ANKS1A: variants seen among roughly 807,000 people sequenced by gnomAD.
The protein encoded by ANKS1A is ankyrin repeat and SAM domain-containing protein 1A.
A neutral mutation model predicts 120.3 loss-of-function variants in ANKS1A; 55 were observed. The observed-to-expected ratio is 0.46, with a 90% confidence interval of 0.37 to 0.57. ANKS1A has a LOEUF of 0.57. Ranked by LOEUF, ANKS1A falls within the 20% of genes least tolerant of loss-of-function variation. ANKS1A has a pLI of 0.00. For missense variants in ANKS1A, 1,123 were observed against 1,480.3 expected (o/e 0.76, Z 3.96); for synonymous variants, 590 against 604.7 (o/e 0.98, Z 0.36).
At chr6:35,062,557 C>T (rs900449979) in intron 13 of ANKS1A, among the ~76,000 whole-genome samples, 8 of 152,150 alleles carry the variant, frequency 5.3e-5, no homozygotes, top group African/African-American at 1.4e-4. Context: ...AAGTAGCTTC[C>T]AGGAAGCCAG....
At chr6:34,906,639 A>G (rs1208547533) in intron 1 of ANKS1A, among the ~76,000 whole-genome samples, 1 of 152,272 alleles carries the variant, frequency 6.6e-6, no homozygotes, top group Non-Finnish European at 1.5e-5. Context: ...AATCACCATT[A>G]GCATACCATA....
intron 23 of ANKS1A, 101 bp from the exon 24 acceptor site, chr6:35,088,505 G>A (rs1051416824): frequency 4.0e-6 from 6 of 1,494,034 alleles, no homozygotes; most frequent in Middle Eastern, 3.4e-4. Flanking sequence ...GAGGCTGTGA[G>A]GGATCGTCTG....
chr6:34,986,040 G>C (rs1772184221), intron 8 of ANKS1A, among the ~76,000 whole-genome samples: 1 of 152,166 alleles, frequency 6.6e-6, no homozygotes, highest in Non-Finnish European at 1.5e-5. Flanking sequence ...CCTAGCCTAG[G>C]TTAAATGTGC....
Position 35,017,791 on chromosome 6 carries a change from C to T in ANKS1A, c.1742C>T (p.Pro581Leu). ...CCCACCACCAACAGCCGCTCGCACC[C>T]TGAAACTTTGACTCACACAGCATCT... ...GLPTTNSRSH[P>L]ETLTHTASPH... The change falls in exon 11 of 24, where the codon CCT becomes CTT. Residue 581 changes from proline to leucine, a missense_variant. Physicochemically the swap from Pro to Leu is moderately conservative, Grantham distance 98 (BLOSUM62 -3). Around this residue, in one of 3 missense-constraint regions of ANKS1A, gnomAD observed 904 missense variants for 1,130.4 expected, o/e 0.80. Coordinates refer to ENST00000360359, the MANE Select transcript of ANKS1A (RefSeq NM_015245.3). 6.2e-7 allele frequency: 1 copy of T among 1,614,216 alleles called. No homozygotes were observed. Among genetic ancestry groups the T allele is most frequent in the South Asian group, 1.1e-5 (1 of 91,086 alleles).
At chr6:35,075,975 G>A (rs535892067) in intron 13 of ANKS1A, among the ~76,000 whole-genome samples, 8 of 152,092 alleles carry the variant, frequency 5.3e-5, no homozygotes, top group Admixed American at 4.6e-4. Context: ...GCCCAAGCTG[G>A]CCTCAAACTC....
chr6:35,061,302 G>C (rs1051314528), intron 13 of ANKS1A, among the ~76,000 whole-genome samples: 1 of 152,216 alleles, frequency 6.6e-6, no homozygotes, highest in East Asian at 1.9e-4. Flanking sequence ...TACAGGGATG[G>C]GGGCGTGGCC....
chr6:34,976,378 G>C (rs942030037), intron 3 of ANKS1A, among the ~76,000 whole-genome samples: 4 of 151,878 alleles, frequency 2.6e-5, no homozygotes, highest in Non-Finnish European at 5.9e-5. Context: ...TCAACAAGTC[G>C]GTGTAAACCA....
At chr6:34,928,226 C>A (rs1358704829) in intron 1 of ANKS1A, among the ~76,000 whole-genome samples, 1 of 152,194 alleles carries the variant, frequency 6.6e-6, no homozygotes, top group Non-Finnish European at 1.5e-5. Flanking sequence ...CCACAGACTT[C>A]TGCTATTTCC....
In ANKS1A at chr6:35,085,964, C is replaced by T; in HGVS notation, c.3303+28C>T. The T allele has an allele frequency of 6.4e-7, 1 of 1,569,776 alleles. No individual in the cohort carries two copies. Among genetic ancestry groups the T allele is most frequent in the Non-Finnish European group, 8.6e-7 (1 of 1,161,036 alleles). On this transcript the variant is annotated intron_variant, in intron 22 of 23. Transcript: ENST00000360359. This position sits in a 1 kb window ranked among gnomAD's most constrained non-coding sequence, Gnocchi z 4.7. ...ACGTGGGCCCCACTGGCCAAGATCC[C>T]CCTCTCCCTGGCCCCAGGGATTCAA...
intron 1 of ANKS1A, among the ~76,000 whole-genome samples, chr6:34,932,114 G>A (rs1428043868): frequency 6.6e-6 from 1 of 152,208 alleles, no homozygotes. Flanking sequence ...CCTGACTTCA[G>A]TTCGAGCCTC....
At chr6:34,961,003 C>T (rs1770611144) in intron 1 of ANKS1A, among the ~76,000 whole-genome samples, 2 of 152,228 alleles carry the variant, frequency 1.3e-5, no homozygotes, top group African/African-American at 4.8e-5. Context: ...AGCTTCATCA[C>T]GCAGGCTTGC....
rs1220860098 is a variant in ANKS1A at position 35,086,416 on chromosome 6, C to T, written c.3303+480C>T. On this transcript the variant is annotated intron_variant, in intron 22 of 23. Transcript: ENST00000360359. This position sits in a 1 kb window ranked among gnomAD's most constrained non-coding sequence, Gnocchi z 5.1. Reference sequence around the variant, plus strand: ...TGTGTGTCAGTCTCCCCGAAGTGACCGTGAGCGCTCTTAGCCTCTGGCGGC... The same window carrying T: ...TGTGTGTCAGTCTCCCCGAAGTGACTGTGAGCGCTCTTAGCCTCTGGCGGC... The T allele has an allele frequency of 1.4e-5, 17 of 1,247,076 alleles. No individual in the cohort carries two copies. The highest frequency in any genetic ancestry group is 8.7e-5 in the South Asian group (7 of 80,072). 77.3% of individuals were successfully genotyped at this position (1,247,076 alleles called of 1,614,324 possible). A position where few individuals can be genotyped will look rare whatever the true frequency, so the allele number is the denominator to read the frequency against.
chr6:35,091,104 A>G lies in ANKS1A; in HGVS notation c.*2495A>G. Reference sequence around the variant, plus strand: ...AAGCAGCTCAGAAGTATTGTTGCTCATGGTGTGGCAATGGACTGAACTGTA... The same window carrying G: ...AAGCAGCTCAGAAGTATTGTTGCTCGTGGTGTGGCAATGGACTGAACTGTA... On this transcript the variant is annotated 3_prime_UTR_variant, in exon 24 of 24. Coordinates refer to ENST00000360359, the MANE Select transcript of ANKS1A (RefSeq NM_015245.3). The G allele has an allele frequency of 1.0e-6, 1 of 985,908 alleles. No homozygotes were observed. 61.1% of individuals were successfully genotyped at this position (985,908 alleles called of 1,614,324 possible). A position where few individuals can be genotyped will look rare whatever the true frequency, so the allele number is the denominator to read the frequency against.
chr6:35,042,229 G>A lies in ANKS1A; in HGVS notation c.2011-11870G>A, dbSNP rs1775496880. ...TGAGGTCAGCATGGGGCTGATGTAA[G>A]AGGATATCGACACAGGAACTTAGCA... is the stretch of plus-strand genomic sequence containing the variant. On this transcript the variant is annotated intron_variant, in intron 11 of 23. Transcript: ENST00000360359. 2.6e-5 allele frequency among the ~76,000 whole-genome samples: 4 copies of A among 152,296 alleles called. No individual in the cohort carries two copies. The South Asian group carries it at 8.3e-4, about 32-fold the overall frequency.
At chr6:35,095,649 T>TTAAA (rs774154219), downstream of ANKS1A, among the ~76,000 whole-genome samples, 6 of 128,630 alleles carry the variant, frequency 4.7e-5, no homozygotes, top group African/African-American at 1.8e-4. Flanking sequence ...ACTTTTGTGT[T>TTAAA]AAAAAAAAAA....
At chr6:35,037,194 A>T (rs1320117645) in intron 11 of ANKS1A, among the ~76,000 whole-genome samples, 1 of 152,218 alleles carries the variant, frequency 6.6e-6, no homozygotes, top group Non-Finnish European at 1.5e-5. Flanking sequence ...TATAATGAAT[A>T]TTACCTAGGC....
At chr6:34,945,681 A>G (rs1420775778) in intron 1 of ANKS1A, among the ~76,000 whole-genome samples, 1 of 152,166 alleles carries the variant, frequency 6.6e-6, no homozygotes, top group Non-Finnish European at 1.5e-5. Context: ...GTTTATTTTT[A>G]CAAAGTGAAA....
intron 16 of ANKS1A, among the ~76,000 whole-genome samples, chr6:35,080,485 A>T (rs1264148874): frequency 6.6e-6 from 1 of 152,212 alleles, no homozygotes; most frequent in Non-Finnish European, 1.5e-5. Flanking sequence ...CCTCGGGTGC[A>T]CTGGGCCTGC....
intron 8 of ANKS1A, among the ~76,000 whole-genome samples, chr6:34,986,773 C>T (rs760356453): frequency 6.6e-5 from 10 of 152,276 alleles, no homozygotes; most frequent in Non-Finnish European, 1.3e-4. Flanking sequence ...TGTGACAAAA[C>T]TCCTTGTGAG....
Sources: gnomAD v4.1 joint callset for allele counts (sites outside exome capture counted in the v4.1 genomes callset) on GRCh38, gnomAD v4.1.1 for gene constraint, gnomAD v4.1.1 regional missense constraint, Gnocchi (gnomAD v3.1) non-coding constraint, MANE v1.5 for transcripts, NCBI Gene and HGNC (gene_info 2026-07-23, HGNC 2026-07-21) for gene names.